ANKRD17: variants seen among roughly 807,000 people sequenced by gnomAD.
The protein encoded by ANKRD17 is ankyrin repeat domain-containing protein 17.
ANKRD17 carries 19 observed loss-of-function variants against 229.7 expected under a neutral mutation model. The ratio of observed to expected loss-of-function variants is 0.08; its 90% CI spans 0.06 to 0.12. The LOEUF (loss-of-function observed/expected upper bound fraction) is 0.12. Ranked by LOEUF, ANKRD17 falls within the 10% of genes least tolerant of loss-of-function variation. The probability of loss-of-function intolerance (pLI) is 1.00; values close to 1 mark genes in which losing one functional copy is unlikely to be tolerated. For missense variants in ANKRD17, 2,176 were observed against 3,176.8 expected (o/e 0.68, Z 7.57); for synonymous variants, 1,112 against 1,146.1 (o/e 0.97, Z 0.60).
chr4:73,169,663 G>A (rs763694993), intron 2 of ANKRD17, among the ~76,000 whole-genome samples: 1 of 152,130 alleles, frequency 6.6e-6, no homozygotes, highest in African/African-American at 2.4e-5. Flanking sequence ...GCTGAAATAG[G>A]CATTAAAGAG....
chr4:73,125,385 C>G lies in ANKRD17; in HGVS notation c.3235-73G>C, dbSNP rs1471419620. 7 of 1,046,976 alleles carry G rather than the reference C, an allele frequency of 6.7e-6. No homozygotes were observed. The South Asian group carries it at 7.2e-5, about 11-fold the overall frequency. 64.9% of individuals were successfully genotyped at this position (1,046,976 alleles called of 1,614,324 possible). A position where few individuals can be genotyped will look rare whatever the true frequency, so the allele number is the denominator to read the frequency against. On this transcript the variant is annotated intron_variant, in intron 16 of 33. Transcript: ENST00000358602. ...TAATATCAAATACATAATATGCAAACATATCAAATACACACAAATACATAT... is the reference window on the plus strand; with the variant it reads ...TAATATCAAATACATAATATGCAAAGATATCAAATACACACAAATACATAT...
At chr4:73,147,538 T>C in intron 8 of ANKRD17, 106 bp from the exon 9 acceptor site, 1 of 946,916 alleles carries the variant, frequency 1.1e-6, no homozygotes, top group South Asian at 3.3e-5. Flanking sequence ...TGAACATTTA[T>C]ATTACTATAA....
chr4:73,106,212 C>T (rs1724592029), intron 24 of ANKRD17, among the ~76,000 whole-genome samples: 1 of 151,944 alleles, frequency 6.6e-6, no homozygotes, highest in South Asian at 2.1e-4. Flanking sequence ...CCACTGCACT[C>T]CAGCCTGGGC....
chr4:73,087,172 A>G (rs561123774), intron 29 of ANKRD17, among the ~76,000 whole-genome samples: 1 of 151,088 alleles, frequency 6.6e-6, no homozygotes, highest in African/African-American at 2.4e-5. Flanking sequence ...CCCAGCCTCC[A>G]TCTACTGGGC....
chr4:73,112,960 G>C, intron 24 of ANKRD17: 1 of 490,574 alleles, frequency 2.0e-6, no homozygotes. Context: ...GCTAATTTTC[G>C]TATTTTTGGT....
Position 73,142,440 on chromosome 4 carries a change from C to T in ANKRD17, c.2086-55G>A. 2.5e-6 allele frequency: 4 copies of T among 1,578,562 alleles called. No homozygotes were observed. In the South Asian group the frequency reaches 4.8e-5, roughly 19 times the overall value. ...AAGTGAAGAAAAATAAGTTAGTTTACAGAATCACTTAGGAAGATAAAGCCA... is the reference window on the plus strand; with the variant it reads ...AAGTGAAGAAAAATAAGTTAGTTTATAGAATCACTTAGGAAGATAAAGCCA... On this transcript the variant is annotated intron_variant, in intron 12 of 33. Transcript: ENST00000358602.
chr4:73,145,878 GTT>G (rs940726710), intron 10 of ANKRD17, among the ~76,000 whole-genome samples: 12 of 152,042 alleles, frequency 7.9e-5, no homozygotes, highest in Non-Finnish European at 1.5e-4. Context: ...AAATTATTAA[GTT>G]TATAAAATTA....
At chr4:73,151,855 G>A (rs1005117857) in intron 6 of ANKRD17, among the ~76,000 whole-genome samples, 7 of 151,986 alleles carry the variant, frequency 4.6e-5, no homozygotes, top group South Asian at 2.1e-4. Flanking sequence ...TATATGCTAC[G>A]GAATAAATCA....
chr4:73,194,963 T>C (rs1363339300), intron 1 of ANKRD17, among the ~76,000 whole-genome samples: 1 of 152,160 alleles, frequency 6.6e-6, no homozygotes, highest in East Asian at 1.9e-4. Flanking sequence ...TTTTAAAATT[T>C]CATTTTCCAA....
chr4:73,139,837 C>T lies in ANKRD17; in HGVS notation c.2779G>A (p.Ala927Thr). The T allele has an allele frequency of 1.2e-6, 2 of 1,614,242 alleles. No homozygotes were observed. The highest frequency in any genetic ancestry group is 1.7e-6 in the Non-Finnish European group (2 of 1,180,044). Residue 927 changes from alanine (A) to threonine (T), a missense_variant, in exon 15 of 34, where the codon GCA (alanine) becomes ACA (threonine). Physicochemically the swap from Ala to Thr is moderately conservative, Grantham distance 58. Around this residue, in one of 18 missense-constraint regions of ANKRD17, gnomAD observed 230 missense variants for 252.3 expected, o/e 0.91. Coordinates refer to ENST00000358602, the MANE Select transcript of ANKRD17 (RefSeq NM_032217.5). ...VGEQLSEGDY[A>T]RLQQVDPVLL... The stretch of plus-strand genomic sequence containing the variant: ...ACAGGATCCACTTGCTGTAACCGTG[C>T]ATAGTCTCCCTCAGAAAGCTGCTCT...
chr4:73,252,404 T>C (rs906627296), intron 1 of ANKRD17, among the ~76,000 whole-genome samples: 1 of 152,216 alleles, frequency 6.6e-6, no homozygotes, highest in Non-Finnish European at 1.5e-5. Context: ...ATCTGCTTAG[T>C]TAGAAGCAGT....
intron 31 of ANKRD17, among the ~76,000 whole-genome samples, chr4:73,078,302 G>A (rs377579755): frequency 2.0e-5 from 3 of 152,158 alleles, no homozygotes; most frequent in Non-Finnish European, 4.4e-5. Context: ...GCATGAACCC[G>A]GGAGGCGGAG....
intron 1 of ANKRD17, among the ~76,000 whole-genome samples, chr4:73,218,777 G>A (rs1741454725): frequency 6.6e-6 from 1 of 151,990 alleles, no homozygotes; most frequent in Non-Finnish European, 1.5e-5. Context: ...CACACTGAAG[G>A]TACTCAATAA....
At chr4:73,114,009 G>A in intron 23 of ANKRD17, 101 bp from the exon 24 acceptor site, 1 of 752,848 alleles carries the variant, frequency 1.3e-6, no homozygotes, top group Non-Finnish European at 2.2e-6. Flanking sequence ...TCAAACCTAA[G>A]CAATAAAGAT....
At position 73,098,502 on chromosome 4, in the gene ANKRD17, G is replaced by C; in HGVS notation, c.4592C>G (p.Thr1531Arg). The C allele has an allele frequency of 1.2e-6, 2 of 1,612,830 alleles. No homozygotes were observed. The highest frequency in any genetic ancestry group is 1.7e-6 in the Non-Finnish European group (2 of 1,179,634). The change falls in exon 26 of 34, where the codon ACA becomes AGA. Residue 1531 changes from threonine (T) to arginine (R), a missense_variant. Physicochemically the swap from Thr to Arg is moderately conservative, Grantham distance 71 (BLOSUM62 -1). Transcript: ENST00000358602. ...LKVEDEPEVL[T>R]EPPSATTTTT... ...AGTGGTTGTGGCACTTGGAGGTTCTGTCAAGACTTCAGGCTCATCTGTAAA... is the reference window on the plus strand; with the variant it reads ...AGTGGTTGTGGCACTTGGAGGTTCTCTCAAGACTTCAGGCTCATCTGTAAA...
At chr4:73,129,966 G>A (rs766135065) in intron 16 of ANKRD17, among the ~76,000 whole-genome samples, 8 of 151,458 alleles carry the variant, frequency 5.3e-5, no homozygotes, top group Non-Finnish European at 1.0e-4. Flanking sequence ...AAGGTTTCAC[G>A]GTGTTAGCCA....
chr4:73,188,894 A>C lies in ANKRD17; in HGVS notation c.394-11361T>G, dbSNP rs1045599720. On this transcript the variant is annotated intron_variant, in intron 1 of 33. Transcript: ENST00000358602. Reference sequence around the variant, plus strand: ...TAAAGTCAGAAAGTTGAGCACATCTATGAATCAATAAATCTAAAAGTCTTA... The same window carrying C: ...TAAAGTCAGAAAGTTGAGCACATCTCTGAATCAATAAATCTAAAAGTCTTA... 3.3e-5 allele frequency among the ~76,000 whole-genome samples: 5 copies of C among 152,202 alleles called. 1 individual carries two copies. The highest frequency in any genetic ancestry group is 3.3e-4 in the Admixed American group (5 of 15,280).
chr4:73,196,628 T>C (rs972519225), intron 1 of ANKRD17, among the ~76,000 whole-genome samples: 2 of 152,214 alleles, frequency 1.3e-5, no homozygotes, highest in Middle Eastern at 3.2e-3. Flanking sequence ...CTGTTTACCA[T>C]TGTTTGTCAA....
At chr4:73,201,033 T>C (rs1738612914) in intron 1 of ANKRD17, among the ~76,000 whole-genome samples, 1 of 151,036 alleles carries the variant, frequency 6.6e-6, no homozygotes, top group Non-Finnish European at 1.5e-5. Flanking sequence ...CTGCATGTAT[T>C]ACAATATAAA....
Sources: gnomAD v4.1 joint callset for allele counts (sites outside exome capture counted in the v4.1 genomes callset) on GRCh38, gnomAD v4.1.1 for gene constraint, gnomAD v4.1.1 regional missense constraint, MANE v1.5 for transcripts, NCBI Gene and HGNC (gene_info 2026-07-23, HGNC 2026-07-21) for gene names.